The following SLC24A3 variants were observed in gnomAD, a reference collection of about 807,000 sequenced individuals.
SLC24A3 encodes solute carrier family 24 member 3.
SLC24A3 carries 28 observed loss-of-function variants against 75.8 expected under a neutral mutation model. The ratio of observed to expected loss-of-function variants is 0.37; its 90% CI spans 0.27 to 0.51. The LOEUF (loss-of-function observed/expected upper bound fraction) is 0.51, where lower values mean the gene tolerates loss of function less well. SLC24A3 is among the 20% of genes least tolerant of loss of function. The pLI is 0.94. For missense variants in SLC24A3, 663 were observed against 847.8 expected (o/e 0.78, Z 2.71); for synonymous variants, 372 against 334.1 (o/e 1.11, Z -1.24).
chr20:19,563,430 T>C (rs2030908277), intron 3 of SLC24A3, among the ~76,000 whole-genome samples: 1 of 152,194 alleles, frequency 6.6e-6, no homozygotes, highest in African/African-American at 2.4e-5. Context: ...TTTTGCAGAA[T>C]TGTTTGCAGA....
intron 2 of SLC24A3, among the ~76,000 whole-genome samples, chr20:19,455,378 G>C (rs1210937160): frequency 1.3e-5 from 2 of 152,162 alleles, no homozygotes; most frequent in African/African-American, 4.8e-5. Context: ...ATGTGAAGTT[G>C]TGGCAGATGC....
At chr20:19,612,485 G>A (rs893988607) in intron 6 of SLC24A3, among the ~76,000 whole-genome samples, 17 of 152,192 alleles carry the variant, frequency 1.1e-4, no homozygotes, top group African/African-American at 3.1e-4. Context: ...TGATGTGATC[G>A]TTAAGCATTG....
chr20:19,477,024 G>A (rs1337754174), intron 2 of SLC24A3, among the ~76,000 whole-genome samples: 1 of 152,088 alleles, frequency 6.6e-6, no homozygotes, highest in African/African-American at 2.4e-5. Flanking sequence ...TGGGATAAAT[G>A]CAAGACGAGG....
chr20:19,662,347 G>A (rs2032336306), intron 7 of SLC24A3, among the ~76,000 whole-genome samples: 1 of 152,220 alleles, frequency 6.6e-6, no homozygotes, highest in Admixed American at 6.5e-5. Context: ...ACTCATCGTT[G>A]AGGACAGAGT....
intron 15 of SLC24A3, among the ~76,000 whole-genome samples, chr20:19,711,393 C>T (rs1393684695): frequency 6.6e-6 from 1 of 152,026 alleles, no homozygotes; most frequent in Admixed American, 6.6e-5. Flanking sequence ...CACATATCCA[C>T]ACATGCAAAC....
At chr20:19,678,443 G>A (rs2032557539) in intron 9 of SLC24A3, among the ~76,000 whole-genome samples, 1 of 135,344 alleles carries the variant, frequency 7.4e-6, no homozygotes, top group African/African-American at 2.9e-5. Context: ...CTCCCGGACG[G>A]GGCGGCTGGC....
At chr20:19,510,699 A>G (rs1363158853) in intron 2 of SLC24A3, among the ~76,000 whole-genome samples, 1 of 152,236 alleles carries the variant, frequency 6.6e-6, no homozygotes, top group East Asian at 1.9e-4. Context: ...ATATGTAGAT[A>G]CTGTAAGAAG....
At chr20:19,314,739 C>T (rs1264232287) in intron 2 of SLC24A3, among the ~76,000 whole-genome samples, 4 of 152,226 alleles carry the variant, frequency 2.6e-5, no homozygotes, top group South Asian at 2.1e-4. Context: ...CATGCCAGCA[C>T]GCTTCCCATC....
chr20:19,463,751 G>T (rs981623014), intron 2 of SLC24A3, among the ~76,000 whole-genome samples: 2 of 152,196 alleles, frequency 1.3e-5, no homozygotes, highest in African/African-American at 2.4e-5. Context: ...TGCGGAGGTG[G>T]CCAGAAAATG....
At chr20:19,555,092 G>A (rs186339888) in intron 3 of SLC24A3, among the ~76,000 whole-genome samples, 3 of 152,268 alleles carry the variant, frequency 2.0e-5, no homozygotes, top group Non-Finnish European at 1.5e-5. Flanking sequence ...TGAGTTAGCC[G>A]TAGCCTCAGC....
intron 6 of SLC24A3, among the ~76,000 whole-genome samples, chr20:19,614,875 C>T (rs909646159): frequency 1.3e-5 from 2 of 152,132 alleles, no homozygotes; most frequent in African/African-American, 4.8e-5. Context: ...ACTGGGTTAG[C>T]GTTTAACAAC....
chr20:19,362,067 T>C (rs1985801291), intron 2 of SLC24A3, among the ~76,000 whole-genome samples: 1 of 152,212 alleles, frequency 6.6e-6, no homozygotes. Flanking sequence ...CAAAAATGCA[T>C]GTAATTGCTT....
At chr20:19,523,622 G>C (rs181296154) in intron 3 of SLC24A3, among the ~76,000 whole-genome samples, 3 of 152,310 alleles carry the variant, frequency 2.0e-5, no homozygotes, top group African/African-American at 7.2e-5. Flanking sequence ...AAGCATGACG[G>C]CTTAGAGCAT....
At chr20:19,343,094 A>G (rs28690306) in intron 2 of SLC24A3, among the ~76,000 whole-genome samples, 2 of 149,524 alleles carry the variant, frequency 1.3e-5, no homozygotes, top group African/African-American at 5.0e-5. Context: ...AGAAAAAAGA[A>G]AAAGAAAAAG....
chr20:19,525,933 T>C (rs184425195), intron 3 of SLC24A3, among the ~76,000 whole-genome samples: 1 of 152,234 alleles, frequency 6.6e-6, no homozygotes, highest in East Asian at 1.9e-4. Context: ...CTGAGGTAGG[T>C]GGCTCTGGCA....
At chr20:19,459,029 C>G (rs944521025) in intron 2 of SLC24A3, among the ~76,000 whole-genome samples, 7 of 152,130 alleles carry the variant, frequency 4.6e-5, no homozygotes, top group African/African-American at 1.7e-4. Flanking sequence ...TCACTTCCCC[C>G]CTCCAACATG....
chr20:19,490,277 A>C (rs1384965600), intron 2 of SLC24A3, among the ~76,000 whole-genome samples: 1 of 152,172 alleles, frequency 6.6e-6, no homozygotes, highest in African/African-American at 2.4e-5. Flanking sequence ...AATTGAAAAA[A>C]TGGCTCCTGG....
chr20:19,622,280 T>C (rs537454621), intron 6 of SLC24A3, among the ~76,000 whole-genome samples: 1 of 152,272 alleles, frequency 6.6e-6, no homozygotes, highest in East Asian at 1.9e-4. Flanking sequence ...TCAGGCTCAC[T>C]GGAGGAATGA....
chr20:19,373,881 G>A (rs1986032787), intron 2 of SLC24A3, among the ~76,000 whole-genome samples: 1 of 152,006 alleles, frequency 6.6e-6, no homozygotes, highest in African/African-American at 2.4e-5. Context: ...GGTGGGCAGG[G>A]AGGAGTGTGT....
Sources: allele counts gnomAD v4.1 joint callset (sites outside exome capture counted in the v4.1 genomes callset), GRCh38; gene constraint gnomAD v4.1.1; transcripts MANE v1.5; gene names NCBI Gene and HGNC (gene_info 2026-07-23, HGNC 2026-07-21).